The following ANXA10 variants were observed in gnomAD, a reference collection of about 807,000 sequenced individuals.
The protein encoded by ANXA10 is annexin 14.
In ANXA10, 49 loss-of-function variants were observed where a neutral mutation model predicts 53.5. That is an observed-to-expected ratio of 0.92 (90% CI 0.73 to 1.16). The LOEUF (loss-of-function observed/expected upper bound fraction) is 1.16. ANXA10 is among the 50% of genes most tolerant of loss of function. ANXA10 has a pLI of 0.00. For synonymous variants in ANXA10, 131 were observed against 128.9 expected (o/e 1.02, Z -0.11); for missense variants, 393 against 394.4 (o/e 1.00, Z 0.03).
chr4:168,100,852 C>T (rs1730627518), intron 1 of ANXA10, among the ~76,000 whole-genome samples: 1 of 144,956 alleles, frequency 6.9e-6, no homozygotes, highest in Non-Finnish European at 1.6e-5. Flanking sequence ...CCCCAGCTTT[C>T]CCTAATGTTT....
intron 3 of ANXA10, among the ~76,000 whole-genome samples, chr4:168,151,971 T>G (rs1406308916): frequency 6.6e-6 from 1 of 152,224 alleles, no homozygotes; most frequent in African/African-American, 2.4e-5. Flanking sequence ...CCTCATTCAC[T>G]CTTTCATTCA....
chr4:168,103,980 C>T (rs1025076038), intron 1 of ANXA10, among the ~76,000 whole-genome samples: 6 of 151,738 alleles, frequency 4.0e-5, no homozygotes, highest in African/African-American at 9.7e-5. Context: ...CAGACTGGGG[C>T]GCTGGAAAGG....
intron 3 of ANXA10, among the ~76,000 whole-genome samples, chr4:168,147,004 C>T (rs988776036): frequency 1.3e-5 from 2 of 152,164 alleles, no homozygotes; most frequent in Non-Finnish European, 2.9e-5. Flanking sequence ...TTATCTGAAT[C>T]GCCAGTGAAC....
intron 4 of ANXA10, among the ~76,000 whole-genome samples, chr4:168,163,146 G>A (rs1003980081): frequency 1.3e-5 from 2 of 151,092 alleles, no homozygotes; most frequent in African/African-American, 4.9e-5. Flanking sequence ...TTGCTCAAAT[G>A]TATAAAAATC....
At chr4:168,156,103 A>ATTATATATATTTATTATATAT (rs1307573018) in intron 3 of ANXA10, among the ~76,000 whole-genome samples, 2 of 59,280 alleles carry the variant, frequency 3.4e-5, no homozygotes, top group Non-Finnish European at 5.5e-5. Flanking sequence ...TATTATATAT[A>ATTATATATATTTATTATATAT]AATATTATAT....
chr4:168,187,540 A>G lies in ANXA10; in HGVS notation c.*106A>G, dbSNP rs1054332726. ...CATGGCACTATTAACAAAACTATAC[A>G]ATCATATTTTCTCTTCTATCTTTGA... On this transcript the variant is annotated 3_prime_UTR_variant, in exon 12 of 12. Coordinates refer to ENST00000359299, the MANE Select transcript of ANXA10 (RefSeq NM_007193.5). 3 of 611,098 alleles carry G rather than the reference A, an allele frequency of 4.9e-6. No homozygotes were observed. The highest frequency in any genetic ancestry group is 8.0e-6 in the Non-Finnish European group (3 of 376,888). The allele number at this position is 611,098 out of a possible 1,614,324, so 37.9% of individuals were successfully genotyped here.
chr4:168,126,576 A>T (rs868283180), intron 1 of ANXA10, among the ~76,000 whole-genome samples: 14 of 152,262 alleles, frequency 9.2e-5, no homozygotes, highest in South Asian at 2.1e-4. Flanking sequence ...ATTCATTCAT[A>T]GATGTGGTTG....
chr4:168,115,124 C>G (rs1263078120), intron 1 of ANXA10, among the ~76,000 whole-genome samples: 1 of 152,176 alleles, frequency 6.6e-6, no homozygotes, highest in Non-Finnish European at 1.5e-5. Context: ...CTGAAGCAAT[C>G]TACCTGCCTC....
intron 3 of ANXA10, among the ~76,000 whole-genome samples, chr4:168,152,092 C>T (rs1215469498): frequency 1.3e-5 from 2 of 152,180 alleles, no homozygotes; most frequent in African/African-American, 4.8e-5. Context: ...CATGATGGAG[C>T]TTACATTCTA....
intron 3 of ANXA10, among the ~76,000 whole-genome samples, chr4:168,154,542 G>T (rs1731567280): frequency 6.6e-6 from 1 of 152,136 alleles, no homozygotes; most frequent in Non-Finnish European, 1.5e-5. Flanking sequence ...AAGGCCCATG[G>T]AAGAGATGAT....
At chr4:168,129,450 A>T (rs953967857) in intron 2 of ANXA10, among the ~76,000 whole-genome samples, 1 of 152,136 alleles carries the variant, frequency 6.6e-6, no homozygotes, top group Non-Finnish European at 1.5e-5. Context: ...TGTTCCTGTC[A>T]TTGCAATTTT....
intron 6 of ANXA10, among the ~76,000 whole-genome samples, chr4:168,173,121 C>G (rs1732048053): frequency 6.6e-6 from 1 of 151,944 alleles, no homozygotes; most frequent in African/African-American, 2.4e-5. Context: ...CAGAGTAGGC[C>G]TCATTGAGAA....
intron 1 of ANXA10, among the ~76,000 whole-genome samples, chr4:168,094,581 C>A (rs866150522): frequency 6.6e-6 from 1 of 151,876 alleles, no homozygotes; most frequent in Admixed American, 6.6e-5. Context: ...TAGTAATTGA[C>A]TGAGTTGTTT....
At chr4:168,099,115 A>G (rs1730599410) in intron 1 of ANXA10, among the ~76,000 whole-genome samples, 2 of 152,184 alleles carry the variant, frequency 1.3e-5, no homozygotes, top group East Asian at 1.9e-4. Context: ...CAGATATAGC[A>G]TTCTTAGTAC....
intron 6 of ANXA10, among the ~76,000 whole-genome samples, chr4:168,165,939 G>A (rs1040312747): frequency 2.6e-5 from 4 of 152,088 alleles, no homozygotes; most frequent in Non-Finnish European, 4.4e-5. Context: ...AGCCTCCCAA[G>A]GTGCTAGAAT....
intron 3 of ANXA10, among the ~76,000 whole-genome samples, chr4:168,159,133 C>T (rs551981509): frequency 5.3e-5 from 8 of 152,140 alleles, no homozygotes; most frequent in African/African-American, 1.2e-4. Context: ...TGGACTAACA[C>T]GCTACTTCTA....
At chr4:168,107,004 C>A (rs1025746757) in intron 1 of ANXA10, among the ~76,000 whole-genome samples, 5 of 152,044 alleles carry the variant, frequency 3.3e-5, no homozygotes, top group Non-Finnish European at 7.4e-5. Context: ...AAATTAGTGG[C>A]AAAAAGTATG....
chr4:168,140,196 T>G (rs1363444696), intron 3 of ANXA10, among the ~76,000 whole-genome samples: 1 of 152,244 alleles, frequency 6.6e-6, no homozygotes, highest in African/African-American at 2.4e-5. Flanking sequence ...TGCTATGCAT[T>G]TAAACCACAA....
intron 1 of ANXA10, 86 bp from the exon 2 acceptor site, chr4:168,127,998 A>G (rs556365748): frequency 1.9e-4 from 229 of 1,215,870 alleles, no homozygotes; most frequent in Middle Eastern, 1.1e-3. Context: ...TGCAGAGATT[A>G]CAGGTATGAG....
Sources: gnomAD v4.1 joint callset for allele counts (sites outside exome capture counted in the v4.1 genomes callset) on GRCh38, gnomAD v4.1.1 for gene constraint, MANE v1.5 for transcripts, NCBI Gene and HGNC (gene_info 2026-07-23, HGNC 2026-07-21) for gene names.